Variants in SORCS1 observed in about 807,000 individuals in gnomAD.
SORCS1 encodes VPS10 domain-containing receptor SorCS1.
A neutral mutation model predicts 146.1 loss-of-function variants in SORCS1; 60 were observed. That is an observed-to-expected ratio of 0.41 (90% CI 0.33 to 0.51). The LOEUF is 0.51. Among genes scored for constraint, SORCS1 ranks in the 20% least tolerant of loss-of-function variants. The pLI is 0.21. For synonymous variants in SORCS1, 637 were observed against 584.0 expected (o/e 1.09, Z -1.31); for missense variants, 1,352 against 1,487.6 (o/e 0.91, Z 1.50).
At chr10:107,034,381 A>T (rs1041664611) in intron 1 of SORCS1, among the ~76,000 whole-genome samples, 3 of 151,958 alleles carry the variant, frequency 2.0e-5, no homozygotes, top group Non-Finnish European at 2.9e-5. Context: ...TATATCAATT[A>T]AAAAACAACA....
At chr10:107,052,437 G>A (rs556031498) in intron 1 of SORCS1, among the ~76,000 whole-genome samples, 12 of 152,174 alleles carry the variant, frequency 7.9e-5, no homozygotes, top group African/African-American at 2.6e-4. Context: ...AGTTAAAGGA[G>A]GTATAATTAC....
intron 2 of SORCS1, among the ~76,000 whole-genome samples, chr10:106,913,806 T>C (rs568969651): frequency 6.6e-6 from 1 of 152,324 alleles, no homozygotes; most frequent in East Asian, 1.9e-4. Flanking sequence ...ACTCAGCAGG[T>C]GGCCATTGGA....
chr10:106,780,154 T>C (rs559218901), intron 3 of SORCS1, among the ~76,000 whole-genome samples: 1 of 152,342 alleles, frequency 6.6e-6, no homozygotes. Context: ...TCTTTAGACA[T>C]AGATGATATT....
At chr10:106,841,949 T>C (rs1449333478) in intron 2 of SORCS1, among the ~76,000 whole-genome samples, 1 of 152,226 alleles carries the variant, frequency 6.6e-6, no homozygotes, top group Admixed American at 6.5e-5. Flanking sequence ...TATCAAGGTA[T>C]GTGATTGCTG....
chr10:106,727,421 A>T (rs1564903383), intron 6 of SORCS1, among the ~76,000 whole-genome samples: 2 of 152,292 alleles, frequency 1.3e-5, no homozygotes, highest in Non-Finnish European at 2.9e-5. Flanking sequence ...AGTTGTGTTC[A>T]CAGTGCACTA....
At chr10:107,097,960 T>C (rs1257992883) in intron 1 of SORCS1, among the ~76,000 whole-genome samples, 1 of 152,208 alleles carries the variant, frequency 6.6e-6, no homozygotes, top group Non-Finnish European at 1.5e-5. Flanking sequence ...GCCCATTTTA[T>C]GTCTGTTACA....
At chr10:107,071,930 A>C (rs1962460349) in intron 1 of SORCS1, among the ~76,000 whole-genome samples, 1 of 152,216 alleles carries the variant, frequency 6.6e-6, no homozygotes, top group Admixed American at 6.5e-5. Context: ...GGCAATATGA[A>C]AACTCAGAAA....
intron 3 of SORCS1, among the ~76,000 whole-genome samples, chr10:106,813,523 G>A (rs1389822475): frequency 1.3e-5 from 2 of 152,180 alleles, no homozygotes; most frequent in East Asian, 1.9e-4. Flanking sequence ...AGAGGCAGCT[G>A]TAGGCCACCA....
At chr10:107,027,895 C>T (rs559682757) in intron 1 of SORCS1, among the ~76,000 whole-genome samples, 7 of 152,212 alleles carry the variant, frequency 4.6e-5, no homozygotes, top group African/African-American at 1.7e-4. Flanking sequence ...AGAATGTGAA[C>T]ACCTTGATGG....
intron 1 of SORCS1, among the ~76,000 whole-genome samples, chr10:106,995,532 G>GA (rs565580339): frequency 6.6e-6 from 1 of 152,182 alleles, no homozygotes; most frequent in South Asian, 2.1e-4. Context: ...AAGGTATGGG[G>GA]AAAAAAACGT....
intron 2 of SORCS1, among the ~76,000 whole-genome samples, chr10:106,851,558 C>A (rs1241582173): frequency 6.6e-6 from 1 of 152,200 alleles, no homozygotes; most frequent in Non-Finnish European, 1.5e-5. Flanking sequence ...TTCCATTGAT[C>A]TATGTATCTG....
chr10:107,030,066 G>C (rs1228906641), intron 1 of SORCS1, among the ~76,000 whole-genome samples: 2 of 151,820 alleles, frequency 1.3e-5, no homozygotes, highest in African/African-American at 4.8e-5. Context: ...GGTTCTAAAA[G>C]TATTTTAACC....
At chr10:106,829,379 C>G (rs1307114051) in intron 3 of SORCS1, among the ~76,000 whole-genome samples, 195 bp downstream of exon 3, 1 of 152,170 alleles carries the variant, frequency 6.6e-6, no homozygotes, top group Non-Finnish European at 1.5e-5. Flanking sequence ...CTATCCCTCA[C>G]CCTCTTACAT....
At chr10:106,809,247 C>T (rs995197885) in intron 3 of SORCS1, among the ~76,000 whole-genome samples, 77 of 152,024 alleles carry the variant, frequency 5.1e-4, no homozygotes, top group African/African-American at 1.8e-3. Context: ...TAAAAAACCT[C>T]CCAGACTAAA....
chr10:107,142,386 A>C (rs957973550), intron 1 of SORCS1, among the ~76,000 whole-genome samples: 3 of 152,278 alleles, frequency 2.0e-5, no homozygotes, highest in South Asian at 2.1e-4. Context: ...TAAGTGTTCA[A>C]CTACACTCCA....
At position 106,721,848 on chromosome 10, in the gene SORCS1, G is replaced by A. The variant is rs143360916; in HGVS notation, c.1024+8202C>T. Among the ~76,000 whole-genome samples the A allele has an allele frequency of 1.5e-4, 23 of 152,162 alleles. No homozygotes were observed. In the East Asian group the frequency reaches 4.4e-3, roughly 29 times the overall value. ...TTCGCATTGTTTGAAATAACCAGAGGTCTGTATATCTACAAAGGTCTCTAT... is the reference window on the plus strand; with the variant it reads ...TTCGCATTGTTTGAAATAACCAGAGATCTGTATATCTACAAAGGTCTCTAT... On this transcript the variant is annotated intron_variant, in intron 6 of 25. Transcript: ENST00000263054.
intron 6 of SORCS1, among the ~76,000 whole-genome samples, chr10:106,713,507 C>T (rs1855143491): frequency 1.3e-5 from 2 of 152,056 alleles, no homozygotes; most frequent in African/African-American, 4.8e-5. Flanking sequence ...GTTTCTAATT[C>T]ACCTATATAG....
intron 1 of SORCS1, among the ~76,000 whole-genome samples, chr10:107,088,711 G>C (rs1341573582): frequency 1.3e-5 from 2 of 152,184 alleles, no homozygotes; most frequent in South Asian, 2.1e-4. Context: ...GGGACAGTTA[G>C]CATGTGTCTC....
chr10:106,645,902 AT>A (rs1286912489), intron 18 of SORCS1, among the ~76,000 whole-genome samples: 2 of 152,048 alleles, frequency 1.3e-5, no homozygotes, highest in South Asian at 2.1e-4. Context: ...CTAGGACTTA[AT>A]TTTTTATTTT....
Sources: allele counts gnomAD v4.1 joint callset (sites outside exome capture counted in the v4.1 genomes callset), GRCh38; gene constraint gnomAD v4.1.1; transcripts MANE v1.5; gene names NCBI Gene and HGNC (gene_info 2026-07-23, HGNC 2026-07-21).